Variants in MTHFD1 observed in about 807,000 individuals in gnomAD.
MTHFD1 encodes methylenetetrahydrofolate dehydrogenase, cyclohydrolase and formyltetrahydrofolate synthetase 1.
Under a neutral mutation model 110.3 loss-of-function variants are expected in MTHFD1, and 44 were observed. That is an observed-to-expected ratio of 0.40 (90% CI 0.31 to 0.51). The LOEUF (loss-of-function observed/expected upper bound fraction) is 0.51, where lower values mean the gene tolerates loss of function less well. Among genes scored for constraint, MTHFD1 ranks in the 20% least tolerant of loss-of-function variants. The pLI, the probability that MTHFD1 is intolerant of heterozygous loss-of-function variation, is 0.60. For synonymous variants in MTHFD1, 402 were observed against 428.8 expected (o/e 0.94, Z 0.77); for missense variants, 909 against 1,173.1 (o/e 0.77, Z 3.29).
intron 1 of MTHFD1, among the ~76,000 whole-genome samples, chr14:64,397,181 ATATATATAT>A (rs1566553222): frequency 1.1e-3 from 17 of 15,978 alleles, no homozygotes; most frequent in African/African-American, 1.8e-3. Context: ...ATATATATAT[ATATATATAT>A]AAAAAACAGT....
chr14:64,449,042 T>TG (rs1286571455), intron 23 of MTHFD1: 1 of 319,528 alleles, frequency 3.1e-6, no homozygotes. Flanking sequence ...CTCGTGATTC[T>TG]CCCACCTCGG....
chr14:64,413,541 T>G (rs2078002059), intron 4 of MTHFD1, among the ~76,000 whole-genome samples: 1 of 152,188 alleles, frequency 6.6e-6, no homozygotes, highest in Admixed American at 6.5e-5. Flanking sequence ...TTCTTGAGGT[T>G]ATGGCAATGT....
chr14:64,411,217 C>A, intron 3 of MTHFD1, 68 bp downstream of exon 3: 2 of 1,224,994 alleles, frequency 1.6e-6, no homozygotes, highest in Non-Finnish European at 2.4e-6. Context: ...TTACCCCTTG[C>A]CCTTTTTGGT....
intron 7 of MTHFD1, chr14:64,419,333 T>C (rs1596540961): frequency 8.2e-6 from 2 of 244,022 alleles, no homozygotes; most frequent in East Asian, 2.0e-4. Flanking sequence ...TGGCAGCTTG[T>C]TCTAGATCCC....
chr14:64,442,230 A>T (rs774432137), intron 20 of MTHFD1, 33 bp from the exon 21 acceptor site: 2 of 1,614,188 alleles, frequency 1.2e-6, no homozygotes, highest in Admixed American at 1.7e-5. Flanking sequence ...GGGAATTGGG[A>T]TGGCATTTTT....
intron 2 of MTHFD1, among the ~76,000 whole-genome samples, chr14:64,410,411 G>GC (rs1030457053): frequency 6.6e-6 from 1 of 151,460 alleles, no homozygotes; most frequent in Non-Finnish European, 1.5e-5. Context: ...TAAAGATGGG[G>GC]GGGGGGGTCT....
chr14:64,439,488 A>G, intron 17 of MTHFD1: 1 of 409,322 alleles, frequency 2.4e-6, no homozygotes. Flanking sequence ...TCCTTGGTTT[A>G]AGAGGTACCA....
At chr14:64,449,315 C>T in intron 23 of MTHFD1, 130 bp from the exon 24 acceptor site, 2 of 1,117,016 alleles carry the variant, frequency 1.8e-6, no homozygotes, top group Non-Finnish European at 2.7e-6. Context: ...GAGATTCAAA[C>T]CCAGGCCAAA....
intron 12 of MTHFD1, 53 bp from the exon 13 acceptor site, chr14:64,430,131 A>C: frequency 6.7e-7 from 1 of 1,494,706 alleles, no homozygotes; most frequent in Non-Finnish European, 9.3e-7. Flanking sequence ...TTGATTTCTA[A>C]GTCATTGGAG....
chr14:64,399,656 C>CAAA (rs34735594), intron 1 of MTHFD1, among the ~76,000 whole-genome samples: 1 of 113,188 alleles, frequency 8.8e-6, no homozygotes, highest in Non-Finnish European at 1.8e-5. Context: ...GTCCCCATCT[C>CAAA]AAAAAAAAAA....
At chr14:64,390,041 A>T (rs548996058) in intron 1 of MTHFD1, among the ~76,000 whole-genome samples, 41 of 152,276 alleles carry the variant, frequency 2.7e-4, no homozygotes, top group Admixed American at 7.8e-4. Flanking sequence ...AAATACATGT[A>T]TTGTCTTATT....
At chr14:64,430,938 G>C (rs1010523431) in intron 13 of MTHFD1, among the ~76,000 whole-genome samples, 8 of 152,094 alleles carry the variant, frequency 5.3e-5, no homozygotes, top group Non-Finnish European at 4.4e-5. Context: ...AACCCAGTGT[G>C]GCTGTTGATC....
chr14:64,390,885 G>A (rs767165932), intron 1 of MTHFD1, among the ~76,000 whole-genome samples: 32 of 152,146 alleles, frequency 2.1e-4, no homozygotes, highest in Admixed American at 4.6e-4. Flanking sequence ...CTGACCCCAT[G>A]TGATCCACCC....
chr14:64,427,607 T>A, intron 12 of MTHFD1, 134 bp downstream of exon 12: 1 of 917,024 alleles, frequency 1.1e-6, no homozygotes, highest in Non-Finnish European at 1.8e-6. Flanking sequence ...CTCACAAACC[T>A]CTGTAGTCAT....
At chr14:64,459,285 C>T (rs758707360) in intron 27 of MTHFD1, among the ~76,000 whole-genome samples, 6 of 152,116 alleles carry the variant, frequency 3.9e-5, no homozygotes, top group Non-Finnish European at 8.8e-5. Flanking sequence ...TGGACATTAG[C>T]GAAGGGGCAT....
intron 8 of MTHFD1, 75 bp from the exon 9 acceptor site, chr14:64,424,729 C>T: frequency 6.4e-7 from 1 of 1,553,916 alleles, no homozygotes; most frequent in South Asian, 1.1e-5. Context: ...TACAATTCTG[C>T]TGAGTTTTTG....
intron 16 of MTHFD1, among the ~76,000 whole-genome samples, chr14:64,437,562 G>A (rs2078215793): frequency 6.6e-6 from 1 of 152,140 alleles, no homozygotes; most frequent in Non-Finnish European, 1.5e-5. Flanking sequence ...GACACTAACT[G>A]TCTGGAGCAG....
intron 11 of MTHFD1, 94 bp downstream of exon 11, chr14:64,426,286 CTTT>C: frequency 7.0e-7 from 1 of 1,434,050 alleles, no homozygotes. Context: ...GTAGAGGTGC[CTTT>C]AATTTGATTT....
chr14:64,430,091 T>C, intron 12 of MTHFD1, 93 bp from the exon 13 acceptor site: 2 of 1,037,808 alleles, frequency 1.9e-6, no homozygotes, highest in Non-Finnish European at 3.0e-6. Context: ...TAAATGTGCT[T>C]AGTAGTTACA....
Sources: allele counts gnomAD v4.1 joint callset (sites outside exome capture counted in the v4.1 genomes callset), GRCh38; gene constraint gnomAD v4.1.1; transcripts MANE v1.5; gene names NCBI Gene and HGNC (gene_info 2026-07-23, HGNC 2026-07-21).